The following CSMD1 variants were observed in gnomAD, a reference collection of about 807,000 sequenced individuals.
CSMD1 encodes CUB and Sushi multiple domains 1.
In CSMD1, 213 loss-of-function variants were observed where a neutral mutation model predicts 417.5. The observed-to-expected ratio is 0.51, with a 90% CI of 0.46 to 0.57. CSMD1 has a LOEUF of 0.57. CSMD1 is among the 20% of genes least tolerant of loss of function. CSMD1 has a pLI of 0.00. For synonymous variants in CSMD1, 2,862 were observed against 1,736.8 expected (o/e 1.65, Z -16.11); for missense variants, 6,923 against 4,529.7 (o/e 1.53, Z -15.17).
intron 3 of CSMD1, among the ~76,000 whole-genome samples, chr8:4,185,074 G>T (rs187743322): frequency 1.4e-5 from 2 of 146,424 alleles, no homozygotes; most frequent in Non-Finnish European, 3.0e-5. Flanking sequence ...GGGAGGCAGA[G>T]GTTGCAGTGA....
intron 2 of CSMD1, among the ~76,000 whole-genome samples, chr8:4,455,065 A>T (rs1166269880): frequency 6.6e-6 from 1 of 152,176 alleles, no homozygotes; most frequent in East Asian, 1.9e-4. Flanking sequence ...TTAGGCTGGG[A>T]AACTTCGTGC....
intron 3 of CSMD1, among the ~76,000 whole-genome samples, chr8:4,131,269 T>C (rs1803085828): frequency 6.6e-6 from 1 of 152,098 alleles, no homozygotes; most frequent in Non-Finnish European, 1.5e-5. Context: ...AGATGAACTG[T>C]AGGAACTGAA....
intron 46 of CSMD1, among the ~76,000 whole-genome samples, chr8:3,104,798 C>T (rs926535082): frequency 1.3e-5 from 2 of 151,248 alleles, no homozygotes; most frequent in African/African-American, 2.4e-5. Context: ...ACCTCCACCT[C>T]CTGGGTTCAA....
intron 1 of CSMD1, among the ~76,000 whole-genome samples, chr8:4,694,608 C>T (rs1296866536): frequency 6.6e-6 from 1 of 151,908 alleles, no homozygotes; most frequent in Non-Finnish European, 1.5e-5. Flanking sequence ...CATGACCTGC[C>T]CACCTCAGCC....
At chr8:3,784,892 T>C (rs1172536528) in intron 5 of CSMD1, among the ~76,000 whole-genome samples, 2 of 152,212 alleles carry the variant, frequency 1.3e-5, no homozygotes, top group African/African-American at 4.8e-5. Flanking sequence ...AAAATTGTAC[T>C]TTACAAACAT....
intron 2 of CSMD1, among the ~76,000 whole-genome samples, chr8:4,578,238 G>A (rs1468587911): frequency 2.0e-5 from 3 of 151,306 alleles, no homozygotes; most frequent in Admixed American, 6.6e-5. Context: ...TCGGCTCACT[G>A]CAAGCTCTGC....
rs6995799 is a variant in CSMD1, at chr8:3,142,586, C to G, written c.6120G>C (p.Met2040Ile). ...IQNGPYHTSP[M>I]IGQFSGTDLP... is the part of the protein sequence containing the mutation. ...GATCCGTGCCGCTAAATTGTCCAAT[C>G]ATGGGGCTGGTGTGGTAAGGTCCAT... is the stretch of plus-strand genomic sequence containing the variant. Residue 2040 changes from methionine to isoleucine, a missense_variant, in exon 41 of 70, where the codon ATG (methionine) becomes ATC (isoleucine). Met to Ile is a conservative substitution (Grantham distance 10, BLOSUM62 1). Transcript: ENST00000635120. 4,321 of 1,613,964 alleles carry G rather than the reference C, an allele frequency of 2.7e-3. 100 individuals are homozygous for G. In the African/African-American group the frequency reaches 0.053, roughly 20 times the overall value.
chr8:3,778,273 C>G (rs984286742), intron 5 of CSMD1, among the ~76,000 whole-genome samples: 1 of 152,208 alleles, frequency 6.6e-6, no homozygotes, highest in African/African-American at 2.4e-5. Flanking sequence ...TTCTATTTGC[C>G]TGTCAGTAGT....
intron 1 of CSMD1, among the ~76,000 whole-genome samples, chr8:4,929,020 G>A (rs575028202): frequency 1.3e-3 from 200 of 152,216 alleles, no homozygotes; most frequent in Non-Finnish European, 2.5e-3. Context: ...GCAGTGAGCC[G>A]AGATTGCACC....
At position 2,997,416 on chromosome 8, in the gene CSMD1, C is replaced by T. The variant is rs559201190; in HGVS notation, c.8377+595G>A. On this transcript the variant is annotated intron_variant, in intron 54 of 69. Coordinates refer to ENST00000635120, the MANE Select transcript of CSMD1 (RefSeq NM_033225.6). The stretch of plus-strand genomic sequence containing the variant: ...GAAAGAGACATTGATAAGTTCCTGG[C>T]TTCAATTTCATCTTAATACCATAAA... 3.3e-5 allele frequency among the ~76,000 whole-genome samples: 5 copies of T among 152,322 alleles called. No homozygotes were observed. In the East Asian group the frequency reaches 9.6e-4, roughly 29 times the overall value.
At chr8:4,631,761 C>G (rs1003850488) in intron 2 of CSMD1, among the ~76,000 whole-genome samples, 2 of 152,196 alleles carry the variant, frequency 1.3e-5, no homozygotes, top group Non-Finnish European at 2.9e-5. Flanking sequence ...ATCACATTCA[C>G]CTCTAACCTC....
At chr8:2,952,082 G>A (rs770659948) in intron 65 of CSMD1, among the ~76,000 whole-genome samples, 4 of 152,142 alleles carry the variant, frequency 2.6e-5, no homozygotes, top group African/African-American at 7.2e-5. Context: ...GTTTAAAAAT[G>A]TGTATAAAAT....
chr8:4,754,544 GT>G (rs34906339), intron 1 of CSMD1, among the ~76,000 whole-genome samples: 79 of 145,302 alleles, frequency 5.4e-4, no homozygotes, highest in Middle Eastern at 7.0e-3. Context: ...TGCACACTTT[GT>G]TTTTTTTTTT....
Position 3,396,397 on chromosome 8 carries a change from T to C in CSMD1, c.2406-16A>G, listed in dbSNP as rs149701620. 2.0e-5 allele frequency: 30 copies of C among 1,529,826 alleles called. No homozygotes were observed. In the East Asian group the frequency reaches 6.5e-4, roughly 33 times the overall value. The allele number at this position is 1,529,826 out of a possible 1,614,324, so 94.8% of individuals were successfully genotyped here. ...TGTCTGAAATCTGCAAATATATACATCCCATCAGAAAAGACATGCAGAACT... is the reference window on the plus strand; with the variant it reads ...TGTCTGAAATCTGCAAATATATACACCCCATCAGAAAAGACATGCAGAACT... On this transcript the variant is annotated splice_polypyrimidine_tract_variant and intron_variant, in intron 16 of 69. Transcript: ENST00000635120.
chr8:3,957,153 A>C (rs1423975178), intron 5 of CSMD1, among the ~76,000 whole-genome samples: 2 of 152,090 alleles, frequency 1.3e-5, no homozygotes, highest in Non-Finnish European at 2.9e-5. Flanking sequence ...CCCCTACTTC[A>C]CACCCAGCTC....
chr8:3,304,893 C>T (rs1467705384), intron 25 of CSMD1, among the ~76,000 whole-genome samples: 4 of 151,996 alleles, frequency 2.6e-5, no homozygotes, highest in Non-Finnish European at 4.4e-5. Flanking sequence ...ATGTGAAATT[C>T]TTCTAAAAGA....
chr8:4,110,635 C>A (rs573624629), intron 3 of CSMD1, among the ~76,000 whole-genome samples: 3 of 5,074 alleles, frequency 5.9e-4, no homozygotes, highest in African/African-American at 9.9e-4. Context: ...CTGATATATA[C>A]AGGTGTGTGT....
chr8:3,262,201 AT>A (rs1801126290), intron 26 of CSMD1, among the ~76,000 whole-genome samples: 1 of 87,422 alleles, frequency 1.1e-5, no homozygotes, highest in Admixed American at 1.1e-4. Context: ...ATATATATAT[AT>A]ATATATATAT....
chr8:3,979,791 T>A (rs531946930), intron 5 of CSMD1, among the ~76,000 whole-genome samples: 1 of 152,342 alleles, frequency 6.6e-6, no homozygotes, highest in Admixed American at 6.5e-5. Flanking sequence ...CCACCGTCTG[T>A]GGTATCTTGT....
Sources: gnomAD v4.1 joint callset for allele counts (sites outside exome capture counted in the v4.1 genomes callset) on GRCh38, gnomAD v4.1.1 for gene constraint, MANE v1.5 for transcripts, NCBI Gene and HGNC (gene_info 2026-07-23, HGNC 2026-07-21) for gene names.